Variants in SEL1L2 observed in about 807,000 individuals in gnomAD.
SEL1L2 encodes the protein protein sel-1 homolog 2.
A neutral mutation model predicts 98.8 loss-of-function variants in SEL1L2; 89 were observed. That is an observed-to-expected ratio of 0.90 (90% confidence interval 0.76 to 1.07). The LOEUF is 1.07. SEL1L2 is among the 50% of genes least tolerant of loss of function. SEL1L2 has a pLI of 0.00. For synonymous variants in SEL1L2, 262 were observed against 278.5 expected, an observed-to-expected ratio of 0.94 and a Z score of 0.59; for missense variants, 788 against 812.0, an observed-to-expected ratio of 0.97 and a Z score of 0.36.
At chr20:13,895,466 A>C (rs1333301405) in intron 5 of SEL1L2, among the ~76,000 whole-genome samples, 1 of 151,670 alleles carries the variant, frequency 6.6e-6, no homozygotes, top group African/African-American at 2.4e-5. Flanking sequence ...AAAAAAAAAA[A>C]AGCCAGTTAC....
At chr20:13,885,441 T>A (rs1488190620) in intron 9 of SEL1L2, 38 bp from the exon 10 acceptor site, 2 of 1,326,432 alleles carry the variant, frequency 1.5e-6, no homozygotes, top group Non-Finnish European at 2.2e-6. Context: ...TTAGCAGCAG[T>A]ATTACTTTAA....
intron 5 of SEL1L2, among the ~76,000 whole-genome samples, chr20:13,900,469 T>C (rs1288663345): frequency 6.6e-6 from 1 of 152,188 alleles, no homozygotes; most frequent in Non-Finnish European, 1.5e-5. Context: ...GTTCTTGTTG[T>C]TTCAAAAAGT....
chr20:13,852,824 A>C lies in SEL1L2; in HGVS notation c.1819-2505T>G, dbSNP rs545544787. ...TGAAAATTGTACAATTGCCCGATGC[A>C]GGAGTTTTCCAGCCCCAAATCTTTG... On this transcript the variant is annotated intron_variant, in intron 18 of 19. Coordinates refer to ENST00000284951, the MANE Select transcript of SEL1L2 (RefSeq NM_025229.2). 9.2e-5 allele frequency among the ~76,000 whole-genome samples: 14 copies of C among 152,342 alleles called. 3 individuals are homozygous for C. The highest frequency in any genetic ancestry group is 3.1e-4 in the African/African-American group (13 of 41,578).
chr20:13,865,184 T>C lies in SEL1L2; in HGVS notation c.1628A>G (p.Asn543Ser), dbSNP rs1191578042. The C allele has an allele frequency of 6.2e-7, 1 of 1,612,638 alleles. No individual in the cohort carries two copies. The highest frequency in any genetic ancestry group is 1.3e-5 in the African/African-American group (1 of 74,916). ...TTCCATACCTTGAATGGCAGCTCGA[T>C]TCCATAGGAGAAGCGCCATTGGATA... ...KMYPMALLLW[N>S]RAAIQGNAFA... The change falls in exon 17 of 20, where the codon AAT becomes AGT. Residue 543 changes from asparagine to serine, a missense_variant. Asn to Ser is a conservative substitution (Grantham distance 46, BLOSUM62 1). Coordinates refer to ENST00000284951, the MANE Select transcript of SEL1L2 (RefSeq NM_025229.2).
chr20:13,975,073 G>A (rs2051472145), intron 1 of SEL1L2, among the ~76,000 whole-genome samples: 1 of 152,014 alleles, frequency 6.6e-6, no homozygotes. Flanking sequence ...GCTTAAAGAA[G>A]TCATAAGAAC....
At chr20:13,886,552 T>C (rs2046964449) in intron 8 of SEL1L2, 110 bp from the exon 9 acceptor site, 1 of 938,742 alleles carries the variant, frequency 1.1e-6, no homozygotes, top group Non-Finnish European at 1.6e-6. Context: ...TGCAGAAATC[T>C]GTTCAACTAA....
chr20:13,956,860 C>A (rs1201242742), intron 1 of SEL1L2, among the ~76,000 whole-genome samples: 1 of 151,916 alleles, frequency 6.6e-6, no homozygotes, highest in Non-Finnish European at 1.5e-5. Context: ...CTAAGATTGA[C>A]AAATTTTCAA....
intron 10 of SEL1L2, among the ~76,000 whole-genome samples, chr20:13,880,120 T>C (rs1157936977): frequency 6.6e-6 from 1 of 152,242 alleles, no homozygotes; most frequent in Non-Finnish European, 1.5e-5. Context: ...TGAATGTCTA[T>C]CCATCTCTAA....
In SEL1L2 at chr20:13,987,639, C is replaced by T. The variant is rs141484866; in HGVS notation, c.58+2838G>A. ...CTGGGATTACAGGTGTGAGCCACTG[C>T]GCCCGGCCGATAATTTCCTGTTTTT... On this transcript the variant is annotated intron_variant, in intron 1 of 19. Transcript: ENST00000284951. Among the ~76,000 whole-genome samples the T allele has an allele frequency of 1.4e-4, 21 of 152,146 alleles. No homozygotes were observed. In the South Asian group the frequency reaches 1.5e-3, roughly 11 times the overall value.
rs528853316 is a variant in SEL1L2 at position 13,919,247 on chromosome 20, C to A, written c.284-124G>T. 3.3e-5 allele frequency: 20 copies of A among 604,214 alleles called. No individual in the cohort carries two copies. The South Asian group carries it at 4.5e-4, about 13-fold the overall frequency. 37.4% of individuals were successfully genotyped at this position (604,214 alleles called of 1,614,324 possible). A position where few individuals can be genotyped will look rare whatever the true frequency, so the allele number is the denominator to read the frequency against. ...GTTCTACTTATTTTTTAAACCTCTG[C>A]ATTCAAGAAGATCTGTTAATATTAT... is the stretch of plus-strand genomic sequence containing the variant. On this transcript the variant is annotated intron_variant, in intron 3 of 19. Transcript: ENST00000284951.
intron 2 of SEL1L2, among the ~76,000 whole-genome samples, chr20:13,945,485 C>CATATAT (rs150808080): frequency 6.7e-6 from 1 of 148,224 alleles, no homozygotes; most frequent in Admixed American, 6.7e-5. Flanking sequence ...TTAATATATA[C>CATATAT]ATATATATAT....
intron 4 of SEL1L2, among the ~76,000 whole-genome samples, chr20:13,915,483 G>C (rs1024044461): frequency 6.6e-6 from 1 of 152,194 alleles, no homozygotes; most frequent in Non-Finnish European, 1.5e-5. Context: ...CTGTCACGTG[G>C]CTTGCTGCTG....
intron 2 of SEL1L2, among the ~76,000 whole-genome samples, chr20:13,947,030 A>G (rs775952138): frequency 1.3e-5 from 2 of 152,128 alleles, no homozygotes; most frequent in Non-Finnish European, 2.9e-5. Flanking sequence ...TGACATGTAG[A>G]TGGCAGCAGG....
At chr20:13,871,590 C>A (rs1412560874) in intron 12 of SEL1L2, among the ~76,000 whole-genome samples, 4 of 151,958 alleles carry the variant, frequency 2.6e-5, no homozygotes, top group African/African-American at 9.7e-5. Flanking sequence ...CGGCTCACTG[C>A]AACCTCTGCT....
chr20:13,896,921 C>T (rs529120057), intron 5 of SEL1L2, among the ~76,000 whole-genome samples: 4 of 152,164 alleles, frequency 2.6e-5, no homozygotes, highest in Admixed American at 6.5e-5. Flanking sequence ...AAAATTTATA[C>T]GGAATTGCAA....
intron 1 of SEL1L2, among the ~76,000 whole-genome samples, chr20:13,976,933 C>T (rs372559585): frequency 1.9e-4 from 29 of 152,270 alleles, no homozygotes; most frequent in Middle Eastern, 3.4e-3. Flanking sequence ...GAAGCAATTT[C>T]ACCATGGTGG....
chr20:13,934,565 T>A (rs1372165705), intron 2 of SEL1L2, among the ~76,000 whole-genome samples: 1 of 141,776 alleles, frequency 7.1e-6, no homozygotes. Context: ...TGAATTCTGC[T>A]GCTATAAGCC....
intron 3 of SEL1L2, among the ~76,000 whole-genome samples, chr20:13,930,003 C>G (rs768640850): frequency 3.1e-4 from 47 of 152,192 alleles, no homozygotes; most frequent in Non-Finnish European, 6.0e-4. Flanking sequence ...GTTGGCCAGG[C>G]TGGTCTCAAA....
intron 10 of SEL1L2, among the ~76,000 whole-genome samples, chr20:13,883,401 T>C (rs1490951833): frequency 6.6e-6 from 1 of 152,230 alleles, no homozygotes; most frequent in African/African-American, 2.4e-5. Context: ...TGTTTTGGCC[T>C]GGGTCAAATA....
Sources: gnomAD v4.1 joint callset for allele counts (sites outside exome capture counted in the v4.1 genomes callset) on GRCh38, gnomAD v4.1.1 for gene constraint, MANE v1.5 for transcripts, NCBI Gene and HGNC (gene_info 2026-07-23, HGNC 2026-07-21) for gene names.